The following TBCD variants were observed in gnomAD, a reference collection of about 807,000 sequenced individuals.
The protein encoded by TBCD is tubulin-specific chaperone D.
Under a neutral mutation model 169.3 loss-of-function variants are expected in TBCD, and 105 were observed. The ratio of observed to expected loss-of-function variants is 0.62; its 90% confidence interval spans 0.53 to 0.73. TBCD has a LOEUF of 0.73. TBCD is among the 30% of genes least tolerant of loss of function. TBCD has a pLI of 0.00. For synonymous variants in TBCD, 700 were observed against 643.9 expected (o/e 1.09, Z -1.32); for missense variants, 1,444 against 1,600.1 (o/e 0.90, Z 1.66).
At chr17:82,758,398 A>AAAAAAAAAAAAAAT (rs2047540777) in intron 2 of TBCD, among the ~76,000 whole-genome samples, 1 of 140,778 alleles carries the variant, frequency 7.1e-6, no homozygotes, top group South Asian at 2.2e-4. Flanking sequence ...AAAAAAAAAA[A>AAAAAAAAAAAAAAT]AAAAATAAAT....
At position 82,923,600 on chromosome 17, in the gene TBCD, G is replaced by C; in HGVS notation, c.2179-52G>C. On this transcript the variant is annotated intron_variant, in intron 25 of 38. Coordinates refer to ENST00000355528, the MANE Select transcript of TBCD (RefSeq NM_005993.5). This position sits in a 1 kb window ranked among gnomAD's most constrained non-coding sequence, Gnocchi z 4.6. ...AGTGACCTGCTCTGTCCCTGGCCGG[G>C]GGCTTCTCCGAGCAGAGCTGCTGTG... 1 of 1,455,518 alleles carries C rather than the reference G, an allele frequency of 6.9e-7. No homozygotes were observed. Among genetic ancestry groups the C allele is most frequent in the Admixed American group, 2.0e-5 (1 of 49,898 alleles). 90.2% of individuals were successfully genotyped at this position (1,455,518 alleles called of 1,614,324 possible). A position where few individuals can be genotyped will look rare whatever the true frequency, so the allele number is the denominator to read the frequency against.
rs368345181 is a variant in TBCD, at chr17:82,928,006, G to A, written c.2693+18G>A. On this transcript the variant is annotated intron_variant, in intron 30 of 38. Transcript: ENST00000355528. ...GCCCATACGTGAGTGTCACGTCGCA[G>A]CTCTTCTGCATCCTAGAGGGCAGCC... The A allele has an allele frequency of 6.2e-7, 1 of 1,605,980 alleles. No homozygotes were observed. Among genetic ancestry groups the A allele is most frequent in the African/African-American group, 1.3e-5 (1 of 75,016 alleles).
Position 82,929,120 on chromosome 17 carries a change from C to G in TBCD, c.2701C>G (p.Arg901Gly). ...PELIEAHTCE[R>G]IMCCVAQQAS... is the part of the protein sequence containing the mutation. ...CCTGCTCTCGGTTTGCAGCTGTGAG[C>G]GCATCATGTGCTGTGTGGCCCAGCA... The change falls in exon 31 of 39, where the codon CGC becomes GGC. Residue 901 changes from arginine (R) to glycine (G), a missense_variant. By Grantham distance (125) the Arg-to-Gly change is moderately radical (BLOSUM62 -2). Coordinates refer to ENST00000355528, the MANE Select transcript of TBCD (RefSeq NM_005993.5). The G allele has an allele frequency of 6.2e-7, 1 of 1,610,242 alleles. No individual in the cohort carries two copies. The highest frequency in any genetic ancestry group is 8.5e-7 in the Non-Finnish European group (1 of 1,179,506).
At chr17:82,927,432 C>T (rs1281958679) in intron 29 of TBCD, 109 bp downstream of exon 29, 15 of 1,418,282 alleles carry the variant, frequency 1.1e-5, no homozygotes, top group Middle Eastern at 2.6e-4. Flanking sequence ...AGATTTGTGC[C>T]GTGTTTTGCG....
rs1020079050 is a variant in TBCD at position 82,937,635 on chromosome 17, C to A, written c.3281+275C>A. On this transcript the variant is annotated intron_variant, in intron 35 of 38. Transcript: ENST00000355528. ...GAGGGGAGGCTCCGGAAAGGAGCTG[C>A]GTGGTCAGGGGCTGCCTCCCCGATT... 1.9e-4 allele frequency: 113 copies of A among 599,638 alleles called. 1 individual carries two copies. Among genetic ancestry groups the A allele is most frequent in the Non-Finnish European group, 3.1e-4 (107 of 340,590 alleles). 37.1% of individuals were successfully genotyped at this position (599,638 alleles called of 1,614,324 possible).
chr17:82,778,852 G>A (rs534892664), intron 6 of TBCD, among the ~76,000 whole-genome samples: 1 of 152,068 alleles, frequency 6.6e-6, no homozygotes, highest in African/African-American at 2.4e-5. Context: ...AGTAGAGACG[G>A]GGTTTCACCA....
At chr17:82,761,758 C>T (rs1005618958) in intron 2 of TBCD, among the ~76,000 whole-genome samples, 2 of 150,696 alleles carry the variant, frequency 1.3e-5, no homozygotes, top group African/African-American at 4.9e-5. Context: ...GTCTGTTGCC[C>T]AGGCTGGAGT....
chr17:82,821,012 G>A (rs2052372299), intron 13 of TBCD, among the ~76,000 whole-genome samples: 1 of 152,192 alleles, frequency 6.6e-6, no homozygotes, highest in Non-Finnish European at 1.5e-5. Flanking sequence ...CTGGAGTGCA[G>A]TGGTGGTATC....
At chr17:82,876,468 T>C (rs116381742) in intron 14 of TBCD, among the ~76,000 whole-genome samples, 1,571 of 152,270 alleles carry the variant, frequency 0.01, 27 homozygotes, top group African/African-American at 0.037. Context: ...ACGTGGGACG[T>C]TGGGTGTCCT....
At chr17:82,910,373 T>C (rs1056166909) in intron 22 of TBCD, among the ~76,000 whole-genome samples, 24 of 152,238 alleles carry the variant, frequency 1.6e-4, no homozygotes, top group African/African-American at 4.8e-4. Context: ...TTCCCTGTGC[T>C]GACGAAGCAT....
chr17:82,893,525 C>T (rs1227839247), intron 16 of TBCD, 22 bp from the exon 17 acceptor site: 11 of 1,559,664 alleles, frequency 7.1e-6, no homozygotes, highest in Admixed American at 1.8e-5. Context: ...TTCTTTTTCC[C>T]CCATTTCCAC....
chr17:82,802,590 C>G (rs772057365), intron 9 of TBCD, among the ~76,000 whole-genome samples: 2 of 152,162 alleles, frequency 1.3e-5, no homozygotes, highest in African/African-American at 2.4e-5. Flanking sequence ...GGGTGGAGAC[C>G]CAGGAAGAGC....
intron 6 of TBCD, among the ~76,000 whole-genome samples, chr17:82,776,642 C>T (rs1598437980): frequency 6.6e-6 from 1 of 152,176 alleles, no homozygotes; most frequent in South Asian, 2.1e-4. Context: ...TCAGCTCTGT[C>T]ACTTCCTGCC....
intron 21 of TBCD, among the ~76,000 whole-genome samples, chr17:82,908,804 T>C (rs1451009322): frequency 6.6e-6 from 1 of 152,230 alleles, no homozygotes; most frequent in Admixed American, 6.5e-5. Context: ...TCCTTGAGTT[T>C]TTGTGAGAAT....
chr17:82,793,397 G>A (rs2049883883), intron 7 of TBCD, among the ~76,000 whole-genome samples: 1 of 152,182 alleles, frequency 6.6e-6, no homozygotes, highest in Non-Finnish European at 1.5e-5. Flanking sequence ...CTCTTTCTAG[G>A]GGTGGTAGTG....
At chr17:82,840,983 TGAGACAGAGTTTCAC>T (rs2054471107) in intron 13 of TBCD, among the ~76,000 whole-genome samples, 1 of 120,762 alleles carries the variant, frequency 8.3e-6, no homozygotes. Context: ...TTTTTTTTTT[TGAGACAGAGTTTCAC>T]TGTTGCTGCC....
rs138947456 is a variant in TBCD, at chr17:82,766,173, C to T, written c.334-94C>T. The stretch of plus-strand genomic sequence containing the variant: ...AGAATTCTCTTTGATCAGTGGGTCG[C>T]GTAGCTGGTGATTTTTGATGAAAGG... On this transcript the variant is annotated intron_variant, in intron 3 of 38. Transcript: ENST00000355528. 5,043 of 950,016 alleles carry T rather than the reference C, an allele frequency of 5.3e-3. 28 individuals carry two copies. Among genetic ancestry groups the T allele is most frequent in the Non-Finnish European group, 6.4e-3 (3,958 of 613,862 alleles). The allele number at this position is 950,016 out of a possible 1,614,324, so 58.8% of individuals were successfully genotyped here.
At chr17:82,834,880 TAAAAA>T (rs148009121) in intron 13 of TBCD, among the ~76,000 whole-genome samples, 2 of 149,268 alleles carry the variant, frequency 1.3e-5, no homozygotes. Context: ...TAAAGTATAA[TAAAAA>T]AAAAATACAT....
intron 6 of TBCD, among the ~76,000 whole-genome samples, chr17:82,775,793 A>G (rs904811417): frequency 2.0e-4 from 31 of 151,394 alleles, no homozygotes; most frequent in African/African-American, 7.5e-4. Flanking sequence ...CTAATGCTAG[A>G]TGACGAGTTA....
Sources: allele counts gnomAD v4.1 joint callset (sites outside exome capture counted in the v4.1 genomes callset), GRCh38; gene constraint gnomAD v4.1.1; non-coding constraint Gnocchi (gnomAD v3.1); transcripts MANE v1.5; gene names NCBI Gene and HGNC (gene_info 2026-07-23, HGNC 2026-07-21).